Variants in STK33 observed in about 807,000 individuals in gnomAD.
STK33 encodes the protein serine/threonine-protein kinase 33.
Under a neutral mutation model 58.0 loss-of-function variants are expected in STK33, and 52 were observed. That is an observed-to-expected ratio of 0.90 (90% CI 0.72 to 1.13). The LOEUF is 1.13. Among genes scored for constraint, STK33 ranks in the 50% most tolerant of loss-of-function variants. STK33 has a pLI of 0.00. For synonymous variants in STK33, 215 were observed against 200.1 expected (o/e 1.07, Z -0.63); for missense variants, 630 against 604.2 (o/e 1.04, Z -0.45).
At chr11:8,574,277 C>G (rs746957802) in intron 1 of STK33, among the ~76,000 whole-genome samples, 6 of 152,150 alleles carry the variant, frequency 3.9e-5, no homozygotes, top group Non-Finnish European at 4.4e-5. Context: ...TAGTATGATA[C>G]TATACTACAG....
chr11:8,499,020 G>A (rs557868790), intron 1 of STK33, among the ~76,000 whole-genome samples: 100 of 152,242 alleles, frequency 6.6e-4, no homozygotes, highest in Non-Finnish European at 1.1e-3. Flanking sequence ...ACATAGGCAC[G>A]GGCAAAGAAT....
At chr11:8,566,649 A>C (rs1227208747) in intron 1 of STK33, among the ~76,000 whole-genome samples, 1 of 152,216 alleles carries the variant, frequency 6.6e-6, no homozygotes, top group African/African-American at 2.4e-5. Flanking sequence ...TTACTACTAT[A>C]AAGATGACTT....
the STK33 span, among the ~76,000 whole-genome samples, chr11:8,362,447 T>C: frequency 2.0e-5 from 3 of 152,204 alleles, no homozygotes; most frequent in Non-Finnish European, 4.4e-5. Context: ...CGTGACCTTA[T>C]TCAATCTTGG....
At chr11:8,502,593 G>T (rs1951599971) in intron 1 of STK33, among the ~76,000 whole-genome samples, 1 of 152,004 alleles carries the variant, frequency 6.6e-6, no homozygotes, top group Non-Finnish European at 1.5e-5. Flanking sequence ...TGATAAAGAT[G>T]CCAAAAGCAA....
intron 2 of STK33, among the ~76,000 whole-genome samples, chr11:8,477,771 T>C (rs1949421933): frequency 6.6e-6 from 1 of 152,218 alleles, no homozygotes; most frequent in Non-Finnish European, 1.5e-5. Context: ...ATCACTGACA[T>C]TGTCACAGAC....
At chr11:8,544,557 T>G (rs1955771892) in intron 1 of STK33, among the ~76,000 whole-genome samples, 1 of 151,752 alleles carries the variant, frequency 6.6e-6, no homozygotes, top group African/African-American at 2.4e-5. Context: ...GAAAGTGAAC[T>G]ATATATTCAA....
intron 1 of STK33, among the ~76,000 whole-genome samples, chr11:8,540,568 G>A (rs572731472): frequency 6.6e-6 from 1 of 152,176 alleles, no homozygotes; most frequent in East Asian, 1.9e-4. Flanking sequence ...ACCTTAAAAA[G>A]GAAGTAGATC....
rs185895466 is a variant in STK33 at position 8,527,991 on chromosome 11, G to T, written c.-465-47377C>A. On this transcript the variant is annotated intron_variant, in intron 1 of 15. Transcript: ENST00000687296. ...TTCTAGTTGTAATGTGTTTTTTCAT[G>T]ATGTTTACCTACAGGGAGAGAATCT... is the stretch of plus-strand genomic sequence containing the variant. 7.2e-5 allele frequency among the ~76,000 whole-genome samples: 11 copies of T among 152,162 alleles called. No homozygotes were observed. The East Asian group carries it at 1.9e-3, about 27-fold the overall frequency.
At chr11:8,560,499 C>A (rs1306295760) in intron 1 of STK33, among the ~76,000 whole-genome samples, 2 of 152,038 alleles carry the variant, frequency 1.3e-5, no homozygotes, top group Non-Finnish European at 2.9e-5. Flanking sequence ...TATTCTCCCC[C>A]ACTTGGGTAT....
At chr11:8,484,138 C>G (rs1037125834) in intron 1 of STK33, among the ~76,000 whole-genome samples, 3 of 152,152 alleles carry the variant, frequency 2.0e-5, no homozygotes, top group Non-Finnish European at 2.9e-5. Flanking sequence ...GCTTTACTGT[C>G]AGACCAACAC....
chr11:8,366,325 A>T, the STK33 span, among the ~76,000 whole-genome samples: 1 of 152,174 alleles, frequency 6.6e-6, no homozygotes, highest in Non-Finnish European at 1.5e-5. Flanking sequence ...CCTACAGCCA[A>T]GCCCTTCCAC....
downstream of STK33, among the ~76,000 whole-genome samples, chr11:8,390,471 C>A (rs528815569): frequency 5.3e-5 from 8 of 152,112 alleles, no homozygotes; most frequent in South Asian, 1.7e-3. Flanking sequence ...GCCATATATC[C>A]CCAGACCTTA....
chr11:8,479,946 T>C (rs1949659184), intron 2 of STK33, among the ~76,000 whole-genome samples: 2 of 152,176 alleles, frequency 1.3e-5, no homozygotes, highest in Non-Finnish European at 2.9e-5. Context: ...AATTTTTGAG[T>C]GTTGATTTTG....
At chr11:8,349,043 AC>A in the STK33 span, among the ~76,000 whole-genome samples, 59 of 152,248 alleles carry the variant, frequency 3.9e-4, no homozygotes, top group African/African-American at 1.3e-3. Flanking sequence ...GCTGTGGAGC[AC>A]CCTTTCTCTG....
intron 1 of STK33, among the ~76,000 whole-genome samples, chr11:8,493,170 GA>G (rs1950771101): frequency 6.6e-6 from 1 of 151,926 alleles, no homozygotes; most frequent in Admixed American, 6.6e-5. Flanking sequence ...CTGGTTTTTT[GA>G]AAAGATCAAC....
chr11:8,584,398 G>A (rs2031087825), intron 1 of STK33, among the ~76,000 whole-genome samples: 1 of 152,136 alleles, frequency 6.6e-6, no homozygotes. Context: ...TTGAGAGAAT[G>A]AATACTGTTA....
intron 11 of STK33, among the ~76,000 whole-genome samples, chr11:8,446,415 C>T (rs1945471303): frequency 6.6e-6 from 1 of 152,106 alleles, no homozygotes; most frequent in South Asian, 2.1e-4. Context: ...TTGTCTTCTG[C>T]TAGCTTTTGA....
chr11:8,535,584 T>C (rs762377804), intron 1 of STK33, among the ~76,000 whole-genome samples: 2 of 152,014 alleles, frequency 1.3e-5, no homozygotes, highest in Non-Finnish European at 2.9e-5. Context: ...TAAAAAATAA[T>C]AGATGTTGGC....
chr11:8,514,326 C>A (rs1235293985), intron 1 of STK33, among the ~76,000 whole-genome samples: 6 of 152,062 alleles, frequency 3.9e-5, no homozygotes, highest in Non-Finnish European at 2.9e-5. Flanking sequence ...TTCATTTTAA[C>A]ACAATAACAG....
Sources: gnomAD v4.1 joint callset for allele counts (sites outside exome capture counted in the v4.1 genomes callset) on GRCh38, gnomAD v4.1.1 for gene constraint, MANE v1.5 for transcripts, NCBI Gene and HGNC (gene_info 2026-07-23, HGNC 2026-07-21) for gene names.